Variants in ZBP1 observed in about 807,000 individuals in gnomAD.
ZBP1 encodes the protein Z-DNA-binding protein 1.
In ZBP1, 42 loss-of-function variants were observed where a neutral mutation model predicts 41.1. The observed-to-expected ratio is 1.02, with a 90% CI of 0.80 to 1.32. The LOEUF (loss-of-function observed/expected upper bound fraction) is 1.32. ZBP1 is among the 40% of genes most tolerant of loss of function. The pLI, the probability that ZBP1 is intolerant of heterozygous loss-of-function variation, is 0.00. For missense variants in ZBP1, 562 were observed against 549.7 expected, an observed-to-expected ratio of 1.02 and a Z score of -0.22; for synonymous variants, 214 against 205.2, an observed-to-expected ratio of 1.04 and a Z score of -0.37.
At position 57,604,602 on chromosome 20, in the gene ZBP1, C is replaced by G. The variant is rs1053041220; in HGVS notation, c.1261G>C (p.Glu421Gln). ...ATCCCACCTCCCCACCAGCTCCCCT[C>G]GTGTGAGGCTTCATCCACATAGTGG... is the stretch of plus-strand genomic sequence containing the variant. ...GSHYVDEASH[E>Q]GSWWGGGI Residue 421 changes from glutamate (E) to glutamine (Q), a missense_variant, in exon 8 of 8, where the codon GAG becomes CAG. Coordinates refer to ENST00000371173, the MANE Select transcript of ZBP1 (RefSeq NM_030776.3). The G allele has an allele frequency of 3.1e-6, 5 of 1,614,108 alleles. No individual in the cohort carries two copies. Among genetic ancestry groups the G allele is most frequent in the Non-Finnish European group, 8.5e-7 (1 of 1,179,958 alleles).
chr20:57,615,455 G>A (rs1240868238), intron 3 of ZBP1, 57 bp downstream of exon 3: 4 of 1,578,682 alleles, frequency 2.5e-6, no homozygotes, highest in Non-Finnish European at 3.5e-6. Context: ...AGGGCCTGGG[G>A]TTCCTGGGGA....
intron 1 of ZBP1, chr20:57,617,019 G>A (rs144741259): frequency 3.3e-4 from 54 of 161,900 alleles, no homozygotes; most frequent in Middle Eastern, 3.2e-3. Flanking sequence ...CCCAGTCGTG[G>A]AGCCCTGGAA....
At position 57,615,606 on chromosome 20, in the gene ZBP1, G is replaced by C. The variant is rs555015128; in HGVS notation, c.260-26C>G. On this transcript the variant is annotated intron_variant, in intron 2 of 7. Transcript: ENST00000371173. ...CTGCAGAAAGAAAGATGGGTCAGAG[G>C]GGTGGGGGACAGAAGACAGCACCAG... The C allele has an allele frequency of 1.2e-4, 197 of 1,606,880 alleles. 2 individuals carry two copies. In the South Asian group the frequency reaches 1.9e-3, roughly 15 times the overall value.
At chr20:57,605,105 C>CAAACA (rs11472817) in intron 7 of ZBP1, among the ~76,000 whole-genome samples, 44,283 of 150,234 alleles carry the variant, frequency 0.29, 7,404 homozygotes, top group East Asian at 0.57. Context: ...GCAATTTCCT[C>CAAACA]AAACAAAACA....
chr20:57,608,152 T>C (rs1188620820), intron 7 of ZBP1, among the ~76,000 whole-genome samples: 1 of 151,700 alleles, frequency 6.6e-6, no homozygotes, highest in Non-Finnish European at 1.5e-5. Flanking sequence ...GACAGAGTCT[T>C]GCTCTGTCGC....
At chr20:57,614,815 C>T in intron 4 of ZBP1, 72 bp downstream of exon 4, 2 of 1,576,874 alleles carry the variant, frequency 1.3e-6, no homozygotes, top group Non-Finnish European at 1.7e-6. Flanking sequence ...CTCAGCAGAG[C>T]ACCCAGCAAA....
intron 5 of ZBP1, 82 bp from the exon 6 acceptor site, chr20:57,612,012 C>G (rs1210473673): frequency 1.5e-5 from 21 of 1,410,214 alleles, no homozygotes; most frequent in Admixed American, 6.2e-5. Flanking sequence ...CAGGCCTGTC[C>G]TCTGAATTCT....
At chr20:57,618,499 C>T (rs2070903922) in intron 1 of ZBP1, among the ~76,000 whole-genome samples, 1 of 152,112 alleles carries the variant, frequency 6.6e-6, no homozygotes, top group Non-Finnish European at 1.5e-5. Context: ...CACTCCTGCG[C>T]CCACCAAACT....
At chr20:57,608,710 C>A (rs2070561212) in intron 7 of ZBP1, among the ~76,000 whole-genome samples, 3 of 152,198 alleles carry the variant, frequency 2.0e-5, no homozygotes, top group African/African-American at 7.2e-5. Context: ...GCATGGGGCT[C>A]CCAGGGGTCC....
At position 57,615,553 on chromosome 20, in the gene ZBP1, G is replaced by C. The variant is rs575388496; in HGVS notation, c.287C>G (p.Thr96Arg). 6 of 1,613,312 alleles carry C rather than the reference G, an allele frequency of 3.7e-6. No individual in the cohort carries two copies. The South Asian group carries it at 6.6e-5, about 18-fold the overall frequency. The stretch of plus-strand genomic sequence containing the variant: ...CTGAGGGCCAGGGGTCTCTGGAATT[G>C]TAGCTGCATGTTGCTGGGGCCTCTC... ...PAERPQQHAA[T>R]IPETPGPQFS... Residue 96 changes from threonine (T) to arginine (R), a missense_variant, in exon 3 of 8, where the codon ACA becomes AGA. Physicochemically the swap from Thr to Arg is moderately conservative, Grantham distance 71. Coordinates refer to ENST00000371173, the MANE Select transcript of ZBP1 (RefSeq NM_030776.3).
chr20:57,614,836 T>G (rs767834964), intron 4 of ZBP1, 51 bp downstream of exon 4: 1 of 1,604,814 alleles, frequency 6.2e-7, no homozygotes, highest in East Asian at 2.2e-5. Flanking sequence ...GACCAAGCAC[T>G]AGTGTCATGG....
chr20:57,607,342 G>A (rs1390312775), intron 7 of ZBP1: 1 of 1,264,580 alleles, frequency 7.9e-7, no homozygotes, highest in Admixed American at 2.4e-5. Flanking sequence ...CAAATTAGAA[G>A]TGGAATATGA....
chr20:57,614,730 C>T (rs1335327538), intron 4 of ZBP1, among the ~76,000 whole-genome samples, 157 bp downstream of exon 4: 2 of 152,196 alleles, frequency 1.3e-5, no homozygotes, highest in East Asian at 3.9e-4. Flanking sequence ...GCCAGCACAC[C>T]CCTTCCTCCT....
At position 57,613,160 on chromosome 20, in the gene ZBP1, TA is replaced by T; in HGVS notation, c.670+2del. 6.2e-7 allele frequency: 1 copy of T among 1,614,190 alleles called. No individual in the cohort carries two copies. Among genetic ancestry groups the T allele is most frequent in the South Asian group, 1.1e-5 (1 of 91,080 alleles). On this transcript the variant is annotated splice_donor_variant, in intron 5 of 7. Transcript: ENST00000371173. LOFTEE classifies it high-confidence loss of function. The surrounding 1 kb of genome is among the most constrained non-coding windows in gnomAD (Gnocchi z 4.5). ...CCTCCCTGGGCTCTCTTGGGTGACT[TA>T]CCGTCCTCCCTGGAGACTGTCTGTC...
chr20:57,604,871 G>A lies in ZBP1; in HGVS notation c.1094-102C>T, dbSNP rs111591569. 684 of 1,133,996 alleles carry A rather than the reference G, an allele frequency of 6.0e-4. 5 individuals are homozygous for A. The African/African-American group carries it at 9.8e-3, about 16-fold the overall frequency. 70.2% of individuals were successfully genotyped at this position (1,133,996 alleles called of 1,614,324 possible). A position where few individuals can be genotyped will look rare whatever the true frequency, so the allele number is the denominator to read the frequency against. ...GATTTCGAGCTCAGCTTGAGCCTTT[G>A]TTGTTACTGTCTTTAGATTTGTACA... is the stretch of plus-strand genomic sequence containing the variant. On this transcript the variant is annotated intron_variant, in intron 7 of 7. Transcript: ENST00000371173.
At chr20:57,615,458 C>T (rs2070794892) in intron 3 of ZBP1, 54 bp downstream of exon 3, 1 of 1,586,098 alleles carries the variant, frequency 6.3e-7, no homozygotes, top group South Asian at 1.1e-5. Flanking sequence ...GCCTGGGGTT[C>T]CTGGGGAGTG....
In ZBP1 at chr20:57,611,765, G is replaced by C. The variant is rs763067779; in HGVS notation, c.836C>G (p.Ser279Cys). ...AGGGGGGATGTGGGCAGGGCCCTCG[G>C]ACGGGACGCCGTGGAGCCTCATCTC... ...SNEMRLHGVP[S>C]EGPAHIPPGS... The change falls in exon 6 of 8, where the codon TCC (serine) becomes TGC (cysteine). Residue 279 changes from serine (S) to cysteine (C), a missense_variant. Coordinates refer to ENST00000371173, the MANE Select transcript of ZBP1 (RefSeq NM_030776.3). 1 of 1,612,446 alleles carries C rather than the reference G, an allele frequency of 6.2e-7. No homozygotes were observed. Among genetic ancestry groups the C allele is most frequent in the South Asian group, 1.1e-5 (1 of 90,538 alleles).
intron 1 of ZBP1, 61 bp downstream of exon 1, chr20:57,620,201 G>T: frequency 6.5e-7 from 1 of 1,537,076 alleles, no homozygotes; most frequent in South Asian, 1.2e-5. Flanking sequence ...CAGGAGGAAA[G>T]AGAAGTAGAA....
In ZBP1 at chr20:57,613,658, C is replaced by T. The variant is rs942950330; in HGVS notation, c.503-328G>A. On this transcript the variant is annotated intron_variant, in intron 4 of 7. Coordinates refer to ENST00000371173, the MANE Select transcript of ZBP1 (RefSeq NM_030776.3). The surrounding 1 kb of genome is among the most constrained non-coding windows in gnomAD (Gnocchi z 4.5). ...AGGGGGCAGCCACAGCCCGGACCCC[C>T]GAGCACCTGCACCATTGCCCTTTTC... is the stretch of plus-strand genomic sequence containing the variant. Among the ~76,000 whole-genome samples the T allele has an allele frequency of 6.6e-6, 1 of 152,230 alleles. No individual in the cohort carries two copies. Among genetic ancestry groups the T allele is most frequent in the Non-Finnish European group, 1.5e-5 (1 of 68,022 alleles).
Sources: gnomAD v4.1 joint callset for allele counts (sites outside exome capture counted in the v4.1 genomes callset) on GRCh38, gnomAD v4.1.1 for gene constraint, Gnocchi (gnomAD v3.1) non-coding constraint, MANE v1.5 for transcripts, NCBI Gene and HGNC (gene_info 2026-07-23, HGNC 2026-07-21) for gene names.